LAMA1: variants seen among roughly 807,000 people sequenced by gnomAD.
LAMA1 encodes the protein laminin subunit alpha 1.
LAMA1 carries 219 observed loss-of-function variants against 348.7 expected under a neutral mutation model. The observed-to-expected ratio is 0.63, with a 90% confidence interval of 0.56 to 0.70. The LOEUF (loss-of-function observed/expected upper bound fraction) is 0.70. LAMA1 is among the 30% of genes least tolerant of loss of function. The pLI is 0.00. For synonymous variants in LAMA1, 1,487 were observed against 1,491.0 expected (o/e 1.00, Z 0.06); for missense variants, 3,744 against 3,888.0 (o/e 0.96, Z 0.99).
intron 3 of LAMA1, chr18:7,076,974 C>T (rs745363849): frequency 2.0e-5 from 3 of 151,128 alleles, no homozygotes; most frequent in Non-Finnish European, 4.4e-5. Flanking sequence ...AATAAAAAGG[C>T]TCAATAAATA....
At chr18:7,007,026 T>C in intron 29 of LAMA1, 113 bp downstream of exon 29, 1 of 1,442,064 alleles carries the variant, frequency 6.9e-7, no homozygotes, top group Non-Finnish European at 9.5e-7. Flanking sequence ...TATATTTAGC[T>C]AAATTTAACC....
At position 7,015,308 on chromosome 18, in the gene LAMA1, T is replaced by G. The variant is rs200053860; in HGVS notation, c.3126+414A>C. Among the ~76,000 whole-genome samples, 5 of 152,190 alleles carry G rather than the reference T, an allele frequency of 3.3e-5. No homozygotes were observed. The East Asian group carries it at 9.7e-4, about 29-fold the overall frequency. On this transcript the variant is annotated intron_variant, in intron 22 of 62. Transcript: ENST00000389658. Reference sequence around the variant, plus strand: ...TTTTTAAGATAGAGTCTTTCTCTGTTGTTCAGGCTGAAGTGCAGTGTTGCC... The same window carrying G: ...TTTTTAAGATAGAGTCTTTCTCTGTGGTTCAGGCTGAAGTGCAGTGTTGCC...
intron 61 of LAMA1, 71 bp from the exon 62 acceptor site, chr18:6,943,473 T>C (rs967809073): frequency 8.1e-7 from 1 of 1,229,454 alleles, no homozygotes; most frequent in South Asian, 1.2e-5. Context: ...GCTCTTGGAG[T>C]AGATAAAATT....
At chr18:6,957,899 G>C (rs899554877) in intron 55 of LAMA1, among the ~76,000 whole-genome samples, 2 of 152,080 alleles carry the variant, frequency 1.3e-5, no homozygotes, top group Admixed American at 6.6e-5. Context: ...TCCTGCCTCA[G>C]CCTCCGGAGT....
chr18:6,998,895 A>T (rs1477936252), intron 32 of LAMA1, among the ~76,000 whole-genome samples: 5 of 152,110 alleles, frequency 3.3e-5, no homozygotes, highest in Non-Finnish European at 7.4e-5. Context: ...TAGCCAGGCA[A>T]GGTGGTGGAC....
intron 16 of LAMA1, among the ~76,000 whole-genome samples, chr18:7,028,399 A>C (rs2057953907): frequency 6.6e-6 from 1 of 152,226 alleles, no homozygotes; most frequent in Non-Finnish European, 1.5e-5. Context: ...CAGAGAAAAA[A>C]GGCAGAATAA....
chr18:7,032,333 C>T (rs754437156), intron 15 of LAMA1, among the ~76,000 whole-genome samples, 157 bp from the exon 16 acceptor site: 1 of 152,200 alleles, frequency 6.6e-6, no homozygotes, highest in African/African-American at 2.4e-5. Flanking sequence ...AATTCAATGA[C>T]TTTTAGTAAA....
rs371341214 is a variant in LAMA1, at chr18:7,053,780, A to ATTTTTTTTTT, written c.346-2854_346-2845dup. Among the ~76,000 whole-genome samples, 129 of 138,256 alleles carry ATTTTTTTTTT rather than the reference A, an allele frequency of 9.3e-4. 2 individuals are homozygous for ATTTTTTTTTT. Among genetic ancestry groups the ATTTTTTTTTT allele is most frequent in the African/African-American group, 3.3e-3 (121 of 36,816 alleles). The allele number at this position is 138,256 out of a possible 152,430, so 90.7% of individuals were successfully genotyped here. ...TTTATGACAACTCCCTCATTAGAGG[A>ATTTTTTTTTT]TTTTTTTTTTTTTTTTTTGAGACAA... On this transcript the variant is annotated intron_variant, in intron 3 of 62. Coordinates refer to ENST00000389658, the MANE Select transcript of LAMA1 (RefSeq NM_005559.4).
At chr18:7,103,262 G>C (rs1385298148) in intron 1 of LAMA1, among the ~76,000 whole-genome samples, 1 of 152,018 alleles carries the variant, frequency 6.6e-6, no homozygotes, top group Middle Eastern at 3.4e-3. Context: ...AAAATTAGCC[G>C]GGCATGGTGG....
At position 6,955,399 on chromosome 18, in the gene LAMA1, T is replaced by G; in HGVS notation, c.8161A>C (p.Asn2721His). ...PGAHQFGLTQ[N>H]SHFILPFNQS... ...TTAAAAGGCAAGATGAAATGGCTGT[T>G]TTGTGTGAGACCAAACTGGTGAGCG... is the stretch of plus-strand genomic sequence containing the variant. Residue 2721 changes from asparagine (N) to histidine (H), a missense_variant, in exon 57 of 63, where the codon AAC becomes CAC. Transcript: ENST00000389658. 2 of 1,614,152 alleles carry G rather than the reference T, an allele frequency of 1.2e-6. No individual in the cohort carries two copies. The highest frequency in any genetic ancestry group is 2.2e-5 in the South Asian group (2 of 91,080).
chr18:7,084,930 C>A (rs1170086887), intron 1 of LAMA1, among the ~76,000 whole-genome samples: 4 of 152,114 alleles, frequency 2.6e-5, no homozygotes, highest in African/African-American at 9.7e-5. Flanking sequence ...AGACTTGTTA[C>A]AACAACTTCT....
intron 14 of LAMA1, among the ~76,000 whole-genome samples, chr18:7,033,738 C>T (rs1431311337): frequency 8.4e-6 from 1 of 119,154 alleles, no homozygotes; most frequent in Non-Finnish European, 1.7e-5. Flanking sequence ...TAGATGCATA[C>T]AACTTTTTTT....
chr18:7,040,461 G>A (rs2144180925), intron 9 of LAMA1, among the ~76,000 whole-genome samples: 1 of 152,284 alleles, frequency 6.6e-6, no homozygotes, highest in South Asian at 2.1e-4. Flanking sequence ...TTATTCATAA[G>A]AACAGACAGT....
chr18:7,007,848 C>T (rs146075791), intron 28 of LAMA1, among the ~76,000 whole-genome samples: 19 of 152,204 alleles, frequency 1.2e-4, no homozygotes, highest in African/African-American at 4.6e-4. Flanking sequence ...CATGGATGAG[C>T]CTTGAGGACA....
chr18:7,022,713 G>T (rs1467402520), intron 19 of LAMA1, among the ~76,000 whole-genome samples: 1 of 152,150 alleles, frequency 6.6e-6, no homozygotes, highest in African/African-American at 2.4e-5. Context: ...CTGGCACAGA[G>T]GGCTAAGATG....
chr18:7,043,200 T>C (rs1419516502), intron 8 of LAMA1, 27 bp downstream of exon 8: 1 of 1,612,128 alleles, frequency 6.2e-7, no homozygotes, highest in African/African-American at 1.3e-5. Flanking sequence ...ATGATGAAGA[T>C]CAGCAATGGC....
At chr18:7,098,522 G>A (rs1362742144) in intron 1 of LAMA1, among the ~76,000 whole-genome samples, 13 of 150,728 alleles carry the variant, frequency 8.6e-5, no homozygotes, top group Admixed American at 7.2e-4. Flanking sequence ...GATGTGAGGA[G>A]CACCTCTGCC....
At chr18:6,985,500 CT>C (rs752099953) in intron 38 of LAMA1, 26 bp downstream of exon 38, 1 of 1,608,524 alleles carries the variant, frequency 6.2e-7, no homozygotes, top group African/African-American at 1.3e-5. Flanking sequence ...AAAAACTGTA[CT>C]GTGGCTGTGC....
chr18:7,107,754 C>A (rs577490908), intron 1 of LAMA1, among the ~76,000 whole-genome samples: 110 of 152,316 alleles, frequency 7.2e-4, no homozygotes, highest in African/African-American at 2.6e-3. Context: ...GTGGCTCACA[C>A]CTGTAATCCC....
Sources: gnomAD v4.1 joint callset for allele counts (sites outside exome capture counted in the v4.1 genomes callset) on GRCh38, gnomAD v4.1.1 for gene constraint, MANE v1.5 for transcripts, NCBI Gene and HGNC (gene_info 2026-07-23, HGNC 2026-07-21) for gene names.